Variants in RYR1 observed in about 807,000 individuals in gnomAD.
The protein encoded by RYR1 is ryanodine receptor 1.
Under a neutral mutation model 583.5 loss-of-function variants are expected in RYR1, and 342 were observed. That is an observed-to-expected ratio of 0.59 (90% CI 0.54 to 0.64). The LOEUF (loss-of-function observed/expected upper bound fraction) is 0.64, where lower values mean the gene tolerates loss of function less well. Ranked by LOEUF, RYR1 falls within the 30% of genes least tolerant of loss-of-function variation. The pLI is 0.00. For synonymous variants in RYR1, 2,791 were observed against 2,822.5 expected (o/e 0.99, Z 0.35); for missense variants, 6,032 against 6,917.2 (o/e 0.87, Z 4.54).
In RYR1 at chr19:38,444,780, A is replaced by G; in HGVS notation, c.631+103A>G. 1 of 867,860 alleles carries G rather than the reference A, an allele frequency of 1.2e-6. No homozygotes were observed. 53.8% of individuals were successfully genotyped at this position (867,860 alleles called of 1,614,324 possible). A position where few individuals can be genotyped will look rare whatever the true frequency, so the allele number is the denominator to read the frequency against. ...ATGGAGCCTTGGAACCTCAGACCTCAAACCTAGATCTCCAAATTATGGCTC... is the reference window on the plus strand; with the variant it reads ...ATGGAGCCTTGGAACCTCAGACCTCGAACCTAGATCTCCAAATTATGGCTC... On this transcript the variant is annotated intron_variant, in intron 7 of 105. Transcript: ENST00000359596. This position sits in a 1 kb window ranked among gnomAD's most constrained non-coding sequence, Gnocchi z 5.1.
intron 60 of RYR1, 48 bp downstream of exon 60, chr19:38,510,829 G>GT (rs762716393): frequency 6.2e-7 from 1 of 1,612,274 alleles, no homozygotes; most frequent in South Asian, 1.1e-5. Flanking sequence ...TCACAGGATT[G>GT]TAATCCTTTG....
Position 38,504,758 on chromosome 19 carries a change from C to T in RYR1, c.8078C>T (p.Pro2693Leu), listed in dbSNP as rs568662364. 49 of 1,614,108 alleles carry T rather than the reference C, an allele frequency of 3.0e-5. No individual in the cohort carries two copies. Among genetic ancestry groups the T allele is most frequent in the East Asian group, 8.9e-5 (4 of 44,876 alleles). ...FDSLAHKKYD[P>L]ELYRMAMPCL... ...ACCCGGTTTTCCCAGAAATACGACCCGGAGCTGTACCGCATGGCCATGCCT... is the reference window on the plus strand; with the variant it reads ...ACCCGGTTTTCCCAGAAATACGACCTGGAGCTGTACCGCATGGCCATGCCT... Residue 2693 changes from proline (P) to leucine (L), a missense_variant, in exon 51 of 106, where the codon CCG becomes CTG. Physicochemically the swap from Pro to Leu is moderately conservative, Grantham distance 98. Transcript: ENST00000359596.
intron 31 of RYR1, among the ~76,000 whole-genome samples, chr19:38,481,347 G>A (rs189020457): frequency 6.6e-6 from 1 of 152,118 alleles, no homozygotes; most frequent in Non-Finnish European, 1.5e-5. Context: ...GGCCAGTCTT[G>A]AACTCCTGAC....
chr19:38,584,304 C>G (rs1257843108), intron 101 of RYR1, among the ~76,000 whole-genome samples: 5 of 108,292 alleles, frequency 4.6e-5, no homozygotes, highest in Non-Finnish European at 9.3e-5. Context: ...TGCCCCCCCC[C>G]ACCCATCCCG....
At chr19:38,534,601 G>A (rs1013072920) in intron 78 of RYR1, 119 bp from the exon 79 acceptor site, 6 of 836,930 alleles carry the variant, frequency 7.2e-6, no homozygotes, top group South Asian at 5.8e-5. Context: ...GGGAGCTCAT[G>A]GTTGAAGGAG....
rs747616962 is a variant in RYR1 at position 38,452,876 on chromosome 19, G to A, written c.1302G>A (p.Ala434=). Reference sequence around the variant, plus strand: ...GCTCGGGGCCACCCGCTGGCACGGCGCTGCCCATCGAGGGCGTTATCCTGA... The same window carrying A: ...GCTCGGGGCCACCCGCTGGCACGGCACTGCCCATCGAGGGCGTTATCCTGA... ...PRGSGPPAGT[A]LPIEGVILSL... is the part of the protein sequence containing the mutation. The change falls in exon 13 of 106, where the codon GCG becomes GCA. Residue 434 remains alanine, a synonymous_variant. Transcript: ENST00000359596. The A allele has an allele frequency of 1.2e-5, 20 of 1,610,794 alleles. No homozygotes were observed. The highest frequency in any genetic ancestry group is 5.0e-5 in the Admixed American group (3 of 59,540).
chr19:38,481,649 A>G (rs1160393454), intron 31 of RYR1, among the ~76,000 whole-genome samples: 1 of 152,148 alleles, frequency 6.6e-6, no homozygotes, highest in East Asian at 1.9e-4. Context: ...AGCTGGGTCT[A>G]GTCATGGGCA....
At chr19:38,468,147 C>G (rs988366563) in intron 25 of RYR1, among the ~76,000 whole-genome samples, 8 of 147,762 alleles carry the variant, frequency 5.4e-5, no homozygotes, top group East Asian at 4.1e-4. Flanking sequence ...ATAGGGAGAC[C>G]CCATCTCTAC....
At chr19:38,544,094 C>T (rs1972323755) in intron 87 of RYR1, among the ~76,000 whole-genome samples, 2 of 152,174 alleles carry the variant, frequency 1.3e-5, no homozygotes, top group African/African-American at 4.8e-5. Flanking sequence ...AGCTGGTTTT[C>T]CATCCACGCT....
intron 7 of RYR1, among the ~76,000 whole-genome samples, chr19:38,445,851 A>G (rs1972914935): frequency 1.3e-5 from 2 of 150,500 alleles, no homozygotes; most frequent in Admixed American, 1.3e-4. Flanking sequence ...TTGGCTGGGC[A>G]TGATGGCGGG....
chr19:38,472,480 T>A (rs1968474875), intron 27 of RYR1, among the ~76,000 whole-genome samples: 1 of 152,064 alleles, frequency 6.6e-6, no homozygotes, highest in Admixed American at 6.6e-5. Context: ...CGAGGTCTGG[T>A]AGAAAGAAAA....
intron 16 of RYR1, among the ~76,000 whole-genome samples, 161 bp downstream of exon 16, chr19:38,455,912 A>C (rs1967352761): frequency 6.6e-6 from 1 of 150,588 alleles, no homozygotes; most frequent in Non-Finnish European, 1.5e-5. Flanking sequence ...GGTCTCAAAC[A>C]ATGACTCTTA....
chr19:38,502,826 G>GGCAGGGGCAGCA (rs1970245303), intron 48 of RYR1, 54 bp from the exon 49 acceptor site: 7 of 1,549,322 alleles, frequency 4.5e-6, no homozygotes, highest in Admixed American at 3.5e-5. Flanking sequence ...CAGGGGCAGG[G>GGCAGGGGCAGCA]GCAGCAGAGC....
chr19:38,469,277 C>T (rs1392333489), intron 26 of RYR1, 28 bp from the exon 27 acceptor site: 2 of 1,612,724 alleles, frequency 1.2e-6, no homozygotes, highest in South Asian at 2.2e-5. Flanking sequence ...CCTGCCCTCA[C>T]CCCTGCCCAT....
chr19:38,492,531 A>G lies in RYR1; in HGVS notation c.6169A>G (p.Thr2057Ala), dbSNP rs1288246303. The change falls in exon 38 of 106, where the codon ACC becomes GCC. Residue 2057 changes from threonine to alanine, a missense_variant. Physicochemically the swap from Thr to Ala is moderately conservative, Grantham distance 58 (BLOSUM62 0). This residue lies in a region of RYR1 where 2,627 missense variants were observed against 2,961.3 expected (regional missense o/e 0.89). Coordinates refer to ENST00000359596, the MANE Select transcript of RYR1 (RefSeq NM_000540.3). ...DGEEEEPEEE[T>A]TLGSRLMSLL... ...AGAGGAGGAGGAACCAGAGGAAGAG[A>G]CCACCCTGGGCAGCCGCCTCATGAG... 2 of 1,614,102 alleles carry G rather than the reference A, an allele frequency of 1.2e-6. No homozygotes were observed. The highest frequency in any genetic ancestry group is 4.5e-5 in the East Asian group (2 of 44,886).
intron 48 of RYR1, 54 bp from the exon 49 acceptor site, chr19:38,502,826 G>GGGAGGA: frequency 5.2e-6 from 8 of 1,549,414 alleles, no homozygotes; most frequent in South Asian, 2.3e-5. Context: ...CAGGGGCAGG[G>GGGAGGA]GCAGCAGAGC....
chr19:38,442,125 A>T (rs1244300989), intron 2 of RYR1, among the ~76,000 whole-genome samples: 1 of 139,048 alleles, frequency 7.2e-6, no homozygotes, highest in Non-Finnish European at 1.5e-5. Flanking sequence ...GGTGGGTCTG[A>T]GGTGTTTGAG....
intron 93 of RYR1, among the ~76,000 whole-genome samples, chr19:38,569,289 G>A (rs2145860917): frequency 6.6e-6 from 1 of 152,200 alleles, no homozygotes; most frequent in East Asian, 1.9e-4. Flanking sequence ...TTACAGGCGT[G>A]AGCCACTGCA....
At chr19:38,528,227 A>G (rs1233831042) in intron 73 of RYR1, 79 bp from the exon 74 acceptor site, 11 of 1,195,922 alleles carry the variant, frequency 9.2e-6, no homozygotes, top group Non-Finnish European at 1.2e-5. Context: ...ACTTCGACAC[A>G]GCTGGGCAGT....
Sources: gnomAD v4.1 joint callset for allele counts (sites outside exome capture counted in the v4.1 genomes callset) on GRCh38, gnomAD v4.1.1 for gene constraint, gnomAD v4.1.1 regional missense constraint, Gnocchi (gnomAD v3.1) non-coding constraint, MANE v1.5 for transcripts, NCBI Gene and HGNC (gene_info 2026-07-23, HGNC 2026-07-21) for gene names.